JOSD1: variants seen among roughly 807,000 people sequenced by gnomAD.
JOSD1 encodes the protein Josephin domain containing 1.
Under a neutral mutation model 24.3 loss-of-function variants are expected in JOSD1, and 11 were observed. That is an observed-to-expected ratio of 0.45 (90% confidence interval 0.29 to 0.75). JOSD1 has a LOEUF of 0.75. Among genes scored for constraint, JOSD1 ranks in the 30% least tolerant of loss-of-function variants. The probability of loss-of-function intolerance (pLI) is 0.11; values close to 1 mark genes in which losing one functional copy is unlikely to be tolerated. For missense variants in JOSD1, 184 were observed against 253.5 expected (o/e 0.73, Z 1.86); for synonymous variants, 106 against 93.8 (o/e 1.13, Z -0.75).
At chr22:38,695,250 A>G (rs1326712369) in intron 2 of JOSD1, among the ~76,000 whole-genome samples, 4 of 152,142 alleles carry the variant, frequency 2.6e-5, no homozygotes, top group African/African-American at 9.7e-5. Flanking sequence ...CTTAACAACA[A>G]CTTTTCTCAG....
chr22:38,688,979 G>A lies in JOSD1; in HGVS notation c.465C>T (p.Ser155=), dbSNP rs1260964920. ...EVGGAYYNLD[S]KLKMPEWIGG... ...CAATCCACTCGGGCATCTTGAGTTT[G>A]GAGTCGAGGTTGTAGTAGGCCCCTC... Residue 155 remains serine, a synonymous_variant, in exon 4 of 5, where the codon TCC becomes TCT. Transcript: ENST00000683374. 44 of 1,613,986 alleles carry A rather than the reference G, an allele frequency of 2.7e-5. No homozygotes were observed. Among genetic ancestry groups the A allele is most frequent in the Non-Finnish European group, 3.6e-5 (43 of 1,180,026 alleles).
intron 2 of JOSD1, among the ~76,000 whole-genome samples, chr22:38,695,351 G>C (rs183150250): frequency 2.6e-5 from 4 of 152,134 alleles, no homozygotes; most frequent in African/African-American, 4.8e-5. Context: ...CTGTGGTAGA[G>C]AATGCTAATT....
chr22:38,700,203 A>G lies in JOSD1; in HGVS notation c.-216T>C. The G allele has an allele frequency of 8.1e-7, 1 of 1,239,418 alleles. No homozygotes were observed. Among genetic ancestry groups the G allele is most frequent in the South Asian group, 2.9e-5 (1 of 33,996 alleles). 76.8% of individuals were successfully genotyped at this position (1,239,418 alleles called of 1,614,324 possible). ...TTCTCAATAGAAAAATAACTTTTGG[A>G]TTACTTTTATTTTGCTACCACTGTC... On this transcript the variant is annotated 5_prime_UTR_variant, in exon 2 of 5. Coordinates refer to ENST00000683374, the MANE Select transcript of JOSD1 (RefSeq NM_001360236.2).
intron 2 of JOSD1, among the ~76,000 whole-genome samples, chr22:38,698,171 A>C (rs2092553085): frequency 6.6e-6 from 1 of 152,212 alleles, no homozygotes; most frequent in Admixed American, 6.5e-5. Context: ...AAAAGGAAGC[A>C]TGTACTGGGT....
chr22:38,687,847 A>G lies in JOSD1; in HGVS notation c.*55T>C, dbSNP rs1185073708. 2 of 1,227,776 alleles carry G rather than the reference A, an allele frequency of 1.6e-6. No homozygotes were observed. The highest frequency in any genetic ancestry group is 3.0e-5 in the African/African-American group (2 of 67,174). 76.1% of individuals were successfully genotyped at this position (1,227,776 alleles called of 1,614,324 possible). Reference sequence around the variant, plus strand: ...AGGGCAGACCCACTGTAGAGGCCACAGCACGTCACAGAGGACTGAAGGGGC... The same window carrying G: ...AGGGCAGACCCACTGTAGAGGCCACGGCACGTCACAGAGGACTGAAGGGGC... On this transcript the variant is annotated 3_prime_UTR_variant, in exon 5 of 5. Coordinates refer to ENST00000683374, the MANE Select transcript of JOSD1 (RefSeq NM_001360236.2).
At chr22:38,694,658 C>T (rs558797554) in intron 2 of JOSD1, among the ~76,000 whole-genome samples, 161 of 151,894 alleles carry the variant, frequency 1.1e-3, no homozygotes, top group African/African-American at 3.6e-3. Flanking sequence ...GTCAGAAGAT[C>T]GAGACCATCT....
At position 38,686,076 on chromosome 22, in the gene JOSD1, G is replaced by A. The variant is rs2092496482; in HGVS notation, c.*1826C>T. The A allele has an allele frequency of 1.3e-5, 2 of 152,668 alleles. No homozygotes were observed. Among genetic ancestry groups the A allele is most frequent in the African/African-American group, 4.8e-5 (2 of 41,448 alleles). 9.5% of individuals were successfully genotyped at this position (152,668 alleles called of 1,614,324 possible). On this transcript the variant is annotated 3_prime_UTR_variant, in exon 5 of 5. Transcript: ENST00000683374. ...GGTTGGCTGTAATGTCTGGCTGGTG[G>A]TGGTTGGAATGTCATTGTGCAGGGC...
intron 2 of JOSD1, among the ~76,000 whole-genome samples, chr22:38,691,929 G>T (rs1049385216): frequency 1.3e-5 from 2 of 152,146 alleles, no homozygotes; most frequent in African/African-American, 4.8e-5. Flanking sequence ...CACTGCTAGG[G>T]GCCTAAAGAG....
At chr22:38,696,289 G>C (rs973254220) in intron 2 of JOSD1, among the ~76,000 whole-genome samples, 24 of 150,298 alleles carry the variant, frequency 1.6e-4, no homozygotes, top group African/African-American at 5.6e-4. Flanking sequence ...CCACACTACA[G>C]TACAGTGGTG....
chr22:38,692,781 C>CAA (rs61214432), intron 2 of JOSD1, among the ~76,000 whole-genome samples: 1,330 of 43,722 alleles, frequency 0.03, 34 homozygotes, highest in African/African-American at 0.085. Context: ...AACTCTGTCT[C>CAA]AAAAAAAAAA....
At chr22:38,695,447 T>G (rs1399549303) in intron 2 of JOSD1, among the ~76,000 whole-genome samples, 1 of 29,952 alleles carries the variant, frequency 3.3e-5, no homozygotes, top group Middle Eastern at 0.014. Context: ...TTGCCTAGTT[T>G]TTTTTTTTTT....
chr22:38,699,850 C>T lies in JOSD1; in HGVS notation c.138G>A (p.Gln46=). ...TATCCCGGGTGAAGGCATTGCTGTC[C>T]TGGAAGACGTTATTGAGGGCGTGGA... ...CALHALNNVF[Q]DSNAFTRDTL... is the part of the protein sequence containing the mutation. The change falls in exon 2 of 5, where the codon CAG becomes CAA. Residue 46 remains glutamine, a synonymous_variant. Transcript: ENST00000683374. The T allele has an allele frequency of 6.2e-7, 1 of 1,614,186 alleles. No individual in the cohort carries two copies. The highest frequency in any genetic ancestry group is 2.2e-5 in the East Asian group (1 of 44,878).
At chr22:38,688,240 G>A (rs1056032095) in intron 4 of JOSD1, among the ~76,000 whole-genome samples, 1 of 152,168 alleles carries the variant, frequency 6.6e-6, no homozygotes. Flanking sequence ...GTGAATAACA[G>A]TACCCAAAGT....
At chr22:38,694,435 T>C (rs1421402499) in intron 2 of JOSD1, among the ~76,000 whole-genome samples, 1 of 152,198 alleles carries the variant, frequency 6.6e-6, no homozygotes, top group Admixed American at 6.5e-5. Flanking sequence ...GAAAGTATTC[T>C]TGAGACTCCT....
chr22:38,696,845 C>G (rs1459256480), intron 2 of JOSD1, among the ~76,000 whole-genome samples: 3 of 152,184 alleles, frequency 2.0e-5, no homozygotes, highest in African/African-American at 7.2e-5. Flanking sequence ...CTCCACCCTG[C>G]TTTTGTATTT....
At chr22:38,694,041 G>C (rs904704005) in intron 2 of JOSD1, among the ~76,000 whole-genome samples, 1 of 152,192 alleles carries the variant, frequency 6.6e-6, no homozygotes, top group African/African-American at 2.4e-5. Flanking sequence ...CTCACAGCTA[G>C]GCACTGGCAA....
At chr22:38,700,644 C>G (rs2092564913) in intron 1 of JOSD1, 26 bp from the exon 2 acceptor site, 1 of 983,990 alleles carries the variant, frequency 1.0e-6, no homozygotes, top group Non-Finnish European at 1.2e-6. Flanking sequence ...CAACTCCGGT[C>G]AGCGGCGAGC....
chr22:38,700,318 G>T lies in JOSD1; in HGVS notation c.-331C>A. The T allele has an allele frequency of 1.4e-6, 1 of 700,724 alleles. No individual in the cohort carries two copies. The highest frequency in any genetic ancestry group is 2.8e-5 in the African/African-American group (1 of 35,796). 43.4% of individuals were successfully genotyped at this position (700,724 alleles called of 1,614,324 possible). A position where few individuals can be genotyped will look rare whatever the true frequency, so the allele number is the denominator to read the frequency against. ...TCCCACCCCCCTCCAAAATCCCCAC[G>T]ATTTTCTTGCTGTTTCCCTCTGCAA... On this transcript the variant is annotated 5_prime_UTR_variant, in exon 2 of 5. Transcript: ENST00000683374.
Position 38,699,911 on chromosome 22 carries a change from A to G in JOSD1, c.77T>C (p.Ile26Thr). 1 of 1,614,102 alleles carries G rather than the reference A, an allele frequency of 6.2e-7. No individual in the cohort carries two copies. Among genetic ancestry groups the G allele is most frequent in the Non-Finnish European group, 8.5e-7 (1 of 1,180,000 alleles). Residue 26 changes from isoleucine to threonine, a missense_variant, in exon 2 of 5, where the codon ATC becomes ACC. Transcript: ENST00000683374. The stretch of plus-strand genomic sequence containing the variant: ...CTCCCTGCGCTGTTTCTCATGGTAG[A>G]TTTGTGGGGGTGCTGCCTGGGGCAG... ...LELPQAAPPQ[I>T]YHEKQRRELC...
Sources: gnomAD v4.1 joint callset for allele counts (sites outside exome capture counted in the v4.1 genomes callset) on GRCh38, gnomAD v4.1.1 for gene constraint, MANE v1.5 for transcripts, NCBI Gene and HGNC (gene_info 2026-07-23, HGNC 2026-07-21) for gene names.